PACS1: variants seen among roughly 807,000 people sequenced by gnomAD.
PACS1 encodes phosphofurin acidic cluster sorting protein 1.
A neutral mutation model predicts 115.0 loss-of-function variants in PACS1; 24 were observed. The observed-to-expected ratio is 0.21, with a 90% CI of 0.15 to 0.29. PACS1 has a LOEUF of 0.29. PACS1 is among the 10% of genes least tolerant of loss of function. The pLI, the probability that PACS1 is intolerant of heterozygous loss-of-function variation, is 1.00. For missense variants in PACS1, 838 were observed against 1,251.2 expected (o/e 0.67, Z 4.98); for synonymous variants, 453 against 504.5 (o/e 0.90, Z 1.37).
At chr11:66,087,566 C>T (rs1386458298) in intron 1 of PACS1, among the ~76,000 whole-genome samples, 6 of 152,216 alleles carry the variant, frequency 3.9e-5, no homozygotes. Flanking sequence ...TGCTGCTCAA[C>T]ATTATGTTTA....
chr11:66,242,633 A>C (rs2134754860), intron 22 of PACS1, among the ~76,000 whole-genome samples: 1 of 152,236 alleles, frequency 6.6e-6, no homozygotes, highest in South Asian at 2.1e-4. Flanking sequence ...TTCCAGCTGG[A>C]AAGGACTTCA....
rs987534764 is a variant in PACS1, at chr11:66,235,665, C to T, written c.2208-233C>T. 3.3e-6 allele frequency: 2 copies of T among 611,872 alleles called. No homozygotes were observed. Among genetic ancestry groups the T allele is most frequent in the East Asian group, 2.8e-5 (1 of 36,338 alleles). The allele number at this position is 611,872 out of a possible 1,614,324, so 37.9% of individuals were successfully genotyped here. On this transcript the variant is annotated intron_variant, in intron 18 of 23. Transcript: ENST00000320580. This position sits in a 1 kb window ranked among gnomAD's most constrained non-coding sequence, Gnocchi z 5.6. ...CCCATCCTCATAGCTGGAACTCAGA[C>T]GTGGGAAGCAGGGAGCGTAGCTTGC...
intron 10 of PACS1, among the ~76,000 whole-genome samples, chr11:66,227,134 G>A (rs1855483603): frequency 6.6e-6 from 1 of 152,148 alleles, no homozygotes; most frequent in Non-Finnish European, 1.5e-5. Context: ...GGCAAGCAAA[G>A]GAGGCCTCCC....
intron 1 of PACS1, among the ~76,000 whole-genome samples, chr11:66,190,520 G>C (rs1854492080): frequency 6.6e-6 from 1 of 152,048 alleles, no homozygotes; most frequent in South Asian, 2.1e-4. Context: ...CCACCTCCCG[G>C]GTTCAAGCGA....
chr11:66,222,686 G>C (rs1056717774), intron 10 of PACS1, among the ~76,000 whole-genome samples: 3 of 152,160 alleles, frequency 2.0e-5, no homozygotes, highest in Non-Finnish European at 4.4e-5. Flanking sequence ...TCACCAGGGG[G>C]AATACCAAAC....
Position 66,219,630 on chromosome 11 carries a change from C to T in PACS1, c.979-116C>T, listed in dbSNP as rs563478878. 4.8e-6 allele frequency: 4 copies of T among 825,006 alleles called. No individual in the cohort carries two copies. The South Asian group carries it at 5.4e-5, about 11-fold the overall frequency. 51.1% of individuals were successfully genotyped at this position (825,006 alleles called of 1,614,324 possible). On this transcript the variant is annotated intron_variant, in intron 7 of 23. Coordinates refer to ENST00000320580, the MANE Select transcript of PACS1 (RefSeq NM_018026.4). Reference sequence around the variant, plus strand: ...TGCCAAGGGCAGAGACCAAGTCCTCCAGTCTTCGTGTCTTCCCACAGCTCG... The same window carrying T: ...TGCCAAGGGCAGAGACCAAGTCCTCTAGTCTTCGTGTCTTCCCACAGCTCG...
intron 10 of PACS1, among the ~76,000 whole-genome samples, chr11:66,225,527 A>G (rs1219324313): frequency 6.6e-6 from 1 of 152,270 alleles, no homozygotes; most frequent in Non-Finnish European, 1.5e-5. Flanking sequence ...GGAGATGGAT[A>G]TGCTAATTAC....
At position 66,235,341 on chromosome 11, in the gene PACS1, C is replaced by T. The variant is rs150214972; in HGVS notation, c.2145C>T (p.Asn715=). The T allele has an allele frequency of 1.8e-5, 29 of 1,613,870 alleles. No individual in the cohort carries two copies. The East Asian group carries it at 2.9e-4, about 16-fold the overall frequency. ...DVAGRVMQYV[N]GAATTHQLPV... The stretch of plus-strand genomic sequence containing the variant: ...CAGGGCGGGTGATGCAGTACGTCAA[C>T]GGGGCAGCCACGACACACCAGCTTC... The change falls in exon 18 of 24, where the codon AAC becomes AAT. Residue 715 remains asparagine, a synonymous_variant. Coordinates refer to ENST00000320580, the MANE Select transcript of PACS1 (RefSeq NM_018026.4). The surrounding 1 kb of genome is among the most constrained non-coding windows in gnomAD (Gnocchi z 5.6).
intron 1 of PACS1, among the ~76,000 whole-genome samples, chr11:66,071,984 C>A (rs116488616): frequency 6.6e-6 from 1 of 152,094 alleles, no homozygotes; most frequent in Non-Finnish European, 1.5e-5. Context: ...CTCAGGGTGC[C>A]CCTTCCTGAC....
At chr11:66,176,564 C>G (rs1057008443) in intron 1 of PACS1, among the ~76,000 whole-genome samples, 4 of 152,124 alleles carry the variant, frequency 2.6e-5, no homozygotes, top group South Asian at 2.1e-4. Context: ...CAGGCATGTG[C>G]TACCACGCCT....
intron 1 of PACS1, among the ~76,000 whole-genome samples, chr11:66,091,477 T>A (rs1457310972): frequency 6.6e-6 from 1 of 151,688 alleles, no homozygotes; most frequent in Non-Finnish European, 1.5e-5. Context: ...TCCCCAGTAG[T>A]TTTTTTTCTC....
At position 66,244,114 on chromosome 11, in the gene PACS1, T is replaced by A. The variant is rs1003041459; in HGVS notation, c.*834T>A. ...TCTTCGTGGCTTCCACCCTTGTTAATGATGCTCCTGCCTCTGCCTCCCAGC... is the reference window on the plus strand; with the variant it reads ...TCTTCGTGGCTTCCACCCTTGTTAAAGATGCTCCTGCCTCTGCCTCCCAGC... On this transcript the variant is annotated 3_prime_UTR_variant, in exon 24 of 24. Transcript: ENST00000320580. 2 of 152,292 alleles carry A rather than the reference T, an allele frequency of 1.3e-5. No homozygotes were observed. Among genetic ancestry groups the A allele is most frequent in the Non-Finnish European group, 2.9e-5 (2 of 68,178 alleles). The allele number at this position is 152,292 out of a possible 1,614,324, so 9.4% of individuals were successfully genotyped here.
chr11:66,133,135 T>A (rs969080616), intron 1 of PACS1, among the ~76,000 whole-genome samples: 1 of 152,248 alleles, frequency 6.6e-6, no homozygotes, highest in Non-Finnish European at 1.5e-5. Flanking sequence ...CTATACATTC[T>A]GACTCCAGAA....
At position 66,070,687 on chromosome 11, in the gene PACS1, C is replaced by T. The variant is rs980731349; in HGVS notation, c.201C>T (p.Ser67=). ...CCACCTCGGCGGCGGCTGCCTCCTCCTCGTCCTCGTCTACCTCCACCTCCA... is the reference window on the plus strand; with the variant it reads ...CCACCTCGGCGGCGGCTGCCTCCTCTTCGTCCTCGTCTACCTCCACCTCCA... ...SSSTSAAAAS[S]SSSSTSTSMA... The change falls in exon 1 of 24, where the codon TCC becomes TCT. Residue 67 remains serine, a synonymous_variant. Transcript: ENST00000320580. The surrounding 1 kb of genome is among the most constrained non-coding windows in gnomAD (Gnocchi z 5.9). 4 of 1,578,636 alleles carry T rather than the reference C, an allele frequency of 2.5e-6. No individual in the cohort carries two copies. Among genetic ancestry groups the T allele is most frequent in the Non-Finnish European group, 3.4e-6 (4 of 1,169,884 alleles).
At chr11:66,176,918 A>G (rs561915921) in intron 1 of PACS1, among the ~76,000 whole-genome samples, 1 of 152,238 alleles carries the variant, frequency 6.6e-6, no homozygotes, top group South Asian at 2.1e-4. Flanking sequence ...TAACTTGCAT[A>G]TGTCTCAGGT....
chr11:66,147,273 A>G lies in PACS1; in HGVS notation c.357-46213A>G, dbSNP rs553013977. On this transcript the variant is annotated intron_variant, in intron 1 of 23. Coordinates refer to ENST00000320580, the MANE Select transcript of PACS1 (RefSeq NM_018026.4). ...TATCTAGCAAAAGTATTCTTCAAAA[A>G]TGAAGGCAAAATAAAGACATTCCTA... Among the ~76,000 whole-genome samples the G allele has an allele frequency of 7.9e-5, 12 of 152,346 alleles. No individual in the cohort carries two copies. In the South Asian group the frequency reaches 8.3e-4, roughly 11 times the overall value.
chr11:66,235,552 TC>T lies in PACS1; in HGVS notation c.2207+153del. 1 of 635,332 alleles carries T rather than the reference TC, an allele frequency of 1.6e-6. No homozygotes were observed. Among genetic ancestry groups the T allele is most frequent in the Non-Finnish European group, 2.8e-6 (1 of 358,130 alleles). 39.4% of individuals were successfully genotyped at this position (635,332 alleles called of 1,614,324 possible). ...GATATGAGTGGTTTTTACCACCACC[TC>T]CCCAGCACTCCTTCCTTGCCCAAGG... On this transcript the variant is annotated intron_variant, in intron 18 of 23. Transcript: ENST00000320580. This position sits in a 1 kb window ranked among gnomAD's most constrained non-coding sequence, Gnocchi z 5.6.
rs746498517 is a variant in PACS1, at chr11:66,070,629, C to T, written c.143C>T (p.Pro48Leu). 1 of 1,548,804 alleles carries T rather than the reference C, an allele frequency of 6.5e-7. No individual in the cohort carries two copies. Among genetic ancestry groups the T allele is most frequent in the Admixed American group, 1.8e-5 (1 of 55,426 alleles). The change falls in exon 1 of 24, where the codon CCC becomes CTC. Residue 48 changes from proline (P) to leucine (L), a missense_variant. Pro to Leu is a moderately conservative substitution (Grantham distance 98). Coordinates refer to ENST00000320580, the MANE Select transcript of PACS1 (RefSeq NM_018026.4). The surrounding 1 kb of genome is among the most constrained non-coding windows in gnomAD (Gnocchi z 5.9). ...CAGCCGCCGCAGCAGCCGACGCCCC[C>T]CAAGCTGGCCCAGGCCACCTCGTCG... The part of the protein sequence containing the change: ...QQQPPQQPTP[P>L]KLAQATSSSS...
At chr11:66,072,896 C>T (rs1857333702) in intron 1 of PACS1, among the ~76,000 whole-genome samples, 1 of 152,228 alleles carries the variant, frequency 6.6e-6, no homozygotes, top group African/African-American at 2.4e-5. Context: ...AAATCATTGA[C>T]TGCTGTTGAT....
Sources: gnomAD v4.1 joint callset for allele counts (sites outside exome capture counted in the v4.1 genomes callset) on GRCh38, gnomAD v4.1.1 for gene constraint, Gnocchi (gnomAD v3.1) non-coding constraint, MANE v1.5 for transcripts, NCBI Gene and HGNC (gene_info 2026-07-23, HGNC 2026-07-21) for gene names.